The following DOCK3 variants were observed in gnomAD, a reference collection of about 807,000 sequenced individuals.
DOCK3 encodes the protein dedicator of cytokinesis 3.
Under a neutral mutation model 265.6 loss-of-function variants are expected in DOCK3, and 60 were observed. The observed-to-expected ratio is 0.23, with a 90% CI of 0.18 to 0.28. The LOEUF (loss-of-function observed/expected upper bound fraction) is 0.28. DOCK3 is among the 10% of genes least tolerant of loss of function. The pLI is 1.00. For missense variants in DOCK3, 1,981 were observed against 2,594.3 expected (o/e 0.76, Z 5.14); for synonymous variants, 881 against 938.0 (o/e 0.94, Z 1.11).
At chr3:50,937,164 C>G (rs998201038) in intron 5 of DOCK3, among the ~76,000 whole-genome samples, 1 of 151,002 alleles carries the variant, frequency 6.6e-6, no homozygotes, top group African/African-American at 2.4e-5. Context: ...GTATTCCCAG[C>G]TACATGGGAG....
rs531569343 is a variant in DOCK3 at position 50,966,502 on chromosome 3, C to CTT, written c.315+32439_315+32440dup. On this transcript the variant is annotated intron_variant, in intron 5 of 52. Coordinates refer to ENST00000266037, the MANE Select transcript of DOCK3 (RefSeq NM_004947.5). ...TCTCTTGTTTTTTTTTTTTTTCTTC[C>CTT]TTTTTTTTTTTTTTTGAAAATAGCC... Among the ~76,000 whole-genome samples the CTT allele has an allele frequency of 1.8e-3, 209 of 114,936 alleles. 5 individuals carry two copies. In the East Asian group the frequency reaches 0.028, roughly 15 times the overall value. The allele number at this position is 114,936 out of a possible 152,430, so 75.4% of individuals were successfully genotyped here.
intron 26 of DOCK3, chr3:51,278,572 T>G: frequency 1.0e-6 from 1 of 983,638 alleles, no homozygotes; most frequent in Non-Finnish European, 1.2e-6. Flanking sequence ...TGTCTGCTCC[T>G]TTAGGAGCCT....
intron 3 of DOCK3, among the ~76,000 whole-genome samples, chr3:50,869,269 C>T (rs1466376024): frequency 6.6e-6 from 1 of 150,494 alleles, no homozygotes; most frequent in Non-Finnish European, 1.5e-5. Context: ...CCGCTGCGCC[C>T]AGCCAAAACC....
At chr3:50,828,561 C>T (rs1247363640) in intron 2 of DOCK3, among the ~76,000 whole-genome samples, 2 of 150,986 alleles carry the variant, frequency 1.3e-5, no homozygotes, top group South Asian at 2.1e-4. Flanking sequence ...CCCACCACCA[C>T]GCCCAGCTAA....
At chr3:50,902,048 A>C (rs1219081108) in intron 4 of DOCK3, among the ~76,000 whole-genome samples, 1 of 151,808 alleles carries the variant, frequency 6.6e-6, no homozygotes, top group African/African-American at 2.4e-5. Flanking sequence ...TGTTCATGTC[A>C]TTTGCCCGCT....
chr3:50,988,071 C>T (rs540703305), intron 5 of DOCK3, among the ~76,000 whole-genome samples: 2 of 152,194 alleles, frequency 1.3e-5, no homozygotes, highest in Admixed American at 1.3e-4. Context: ...CCTCACAAGA[C>T]CCACTGGCTT....
At chr3:51,094,691 C>A (rs2082765457) in intron 9 of DOCK3, among the ~76,000 whole-genome samples, 1 of 150,744 alleles carries the variant, frequency 6.6e-6, no homozygotes, top group South Asian at 2.1e-4. Context: ...TTAGTTATTT[C>A]TTGTCTTCTG....
intron 3 of DOCK3, among the ~76,000 whole-genome samples, chr3:50,861,121 C>G (rs913948323): frequency 6.6e-6 from 1 of 152,158 alleles, no homozygotes; most frequent in Non-Finnish European, 1.5e-5. Flanking sequence ...TGCTCATTCA[C>G]TCACCACTTT....
chr3:51,125,070 C>T (rs577646879), intron 9 of DOCK3, among the ~76,000 whole-genome samples: 32 of 151,874 alleles, frequency 2.1e-4, no homozygotes, highest in Admixed American at 1.5e-3. Context: ...ACCTAGGAGC[C>T]GAGATCACGC....
chr3:50,988,509 A>G (rs1201644967), intron 5 of DOCK3, among the ~76,000 whole-genome samples: 1 of 152,224 alleles, frequency 6.6e-6, no homozygotes, highest in African/African-American at 2.4e-5. Flanking sequence ...GTGGATGCCC[A>G]GCACAGCACA....
At chr3:50,886,652 T>C (rs2048355637) in intron 3 of DOCK3, among the ~76,000 whole-genome samples, 1 of 148,658 alleles carries the variant, frequency 6.7e-6, no homozygotes, top group African/African-American at 2.5e-5. Flanking sequence ...AGTGAGAACA[T>C]GTATGTGGTG....
chr3:51,309,677 C>G (rs1413048326), intron 27 of DOCK3, among the ~76,000 whole-genome samples: 1 of 152,168 alleles, frequency 6.6e-6, no homozygotes, highest in African/African-American at 2.4e-5. Context: ...ACAGAGCGTA[C>G]ATGGGACTCA....
At chr3:50,872,840 C>A (rs1326327404) in intron 3 of DOCK3, among the ~76,000 whole-genome samples, 1 of 152,200 alleles carries the variant, frequency 6.6e-6, no homozygotes, top group African/African-American at 2.4e-5. Flanking sequence ...CCCACGGGGC[C>A]TACTGCCAGA....
rs2081771923 is a variant in DOCK3, at chr3:51,069,757, G to T, written c.464+5161G>T. Among the ~76,000 whole-genome samples the T allele has an allele frequency of 2.0e-5, 3 of 151,990 alleles. No homozygotes were observed. In the South Asian group the frequency reaches 6.2e-4, roughly 32 times the overall value. On this transcript the variant is annotated intron_variant, in intron 6 of 52. Transcript: ENST00000266037. The stretch of plus-strand genomic sequence containing the variant: ...GTCTCTCATCAAGGGAATTGATTTG[G>T]AGTAAGATACACAAGCAGTAGTTTA...
intron 1 of DOCK3, among the ~76,000 whole-genome samples, chr3:50,694,350 A>C (rs2035470239): frequency 6.6e-6 from 1 of 152,234 alleles, no homozygotes; most frequent in Non-Finnish European, 1.5e-5. Context: ...TTAAAAATGG[A>C]GATTTCCTTT....
chr3:51,310,442 A>G, intron 28 of DOCK3, 116 bp downstream of exon 28: 1 of 928,172 alleles, frequency 1.1e-6, no homozygotes, highest in South Asian at 1.5e-5. Context: ...GGGCCATGGG[A>G]ACAGAGAGGA....
chr3:51,372,323 C>T (rs2087749406), intron 49 of DOCK3, among the ~76,000 whole-genome samples: 1 of 151,776 alleles, frequency 6.6e-6, no homozygotes, highest in Non-Finnish European at 1.5e-5. Flanking sequence ...TCACCTTCTC[C>T]TACCATGGGA....
In DOCK3 at chr3:51,201,061, T is replaced by C. The variant is rs2088724107; in HGVS notation, c.1038-7713T>C. 3.3e-5 allele frequency among the ~76,000 whole-genome samples: 5 copies of C among 152,062 alleles called. No homozygotes were observed. The South Asian group carries it at 1.0e-3, about 32-fold the overall frequency. ...GAAAGGAACAACCGGTACCAGCCGC[T>C]GCAAAATCATGCCAAAATGTAAAGA... On this transcript the variant is annotated intron_variant, in intron 12 of 52. Coordinates refer to ENST00000266037, the MANE Select transcript of DOCK3 (RefSeq NM_004947.5).
At chr3:51,056,598 T>C (rs1056132554) in intron 5 of DOCK3, among the ~76,000 whole-genome samples, 1 of 152,186 alleles carries the variant, frequency 6.6e-6, no homozygotes, top group African/African-American at 2.4e-5. Flanking sequence ...AGTACTGTAG[T>C]CTAGAAATCT....
Sources: allele counts gnomAD v4.1 joint callset (sites outside exome capture counted in the v4.1 genomes callset), GRCh38; gene constraint gnomAD v4.1.1; transcripts MANE v1.5; gene names NCBI Gene and HGNC (gene_info 2026-07-23, HGNC 2026-07-21).